Variants in TJP1 observed in about 807,000 individuals in gnomAD.
TJP1 encodes the protein tight junction protein ZO-1.
In TJP1, 43 loss-of-function variants were observed where a neutral mutation model predicts 194.2. That is an observed-to-expected ratio of 0.22 (90% CI 0.17 to 0.29). TJP1 has a LOEUF of 0.29. Among genes scored for constraint, TJP1 ranks in the 10% least tolerant of loss-of-function variants. TJP1 has a pLI of 1.00. For synonymous variants in TJP1, 801 were observed against 779.0 expected (o/e 1.03, Z -0.47); for missense variants, 1,971 against 2,185.7 (o/e 0.90, Z 1.96).
chr15:29,791,413 CTTTTTTTTTTTT>C (rs34201715), intron 2 of TJP1, among the ~76,000 whole-genome samples: 7 of 51,188 alleles, frequency 1.4e-4, no homozygotes, highest in East Asian at 1.2e-3. Flanking sequence ...CCATAATATT[CTTTTTTTTTTTT>C]TTTTTTTTTT....
At chr15:29,838,892 T>C (rs1205678651) in intron 2 of TJP1, among the ~76,000 whole-genome samples, 1 of 152,168 alleles carries the variant, frequency 6.6e-6, no homozygotes, top group Non-Finnish European at 1.5e-5. Context: ...GGAATTATGT[T>C]TGTTCATCAC....
chr15:29,758,040 CTT>C (rs1157573517), intron 8 of TJP1, among the ~76,000 whole-genome samples: 2 of 152,300 alleles, frequency 1.3e-5, no homozygotes, highest in Admixed American at 6.5e-5. Context: ...TGTATTTTCT[CTT>C]ATGATTTTCT....
chr15:29,704,388 T>C, intron 26 of TJP1, 83 bp from the exon 27 acceptor site: 1 of 1,486,082 alleles, frequency 6.7e-7, no homozygotes, highest in Non-Finnish European at 9.1e-7. Flanking sequence ...CTGCTTCTAA[T>C]TATATGCTTG....
intron 2 of TJP1, among the ~76,000 whole-genome samples, chr15:29,853,689 T>C (rs2051733796): frequency 1.3e-5 from 2 of 152,246 alleles, no homozygotes; most frequent in Admixed American, 1.3e-4. Context: ...GTCCTAGGGT[T>C]ACTTATCAAC....
intron 2 of TJP1, among the ~76,000 whole-genome samples, chr15:29,902,553 C>T (rs1265901456): frequency 6.6e-6 from 1 of 152,064 alleles, no homozygotes; most frequent in Non-Finnish European, 1.5e-5. Context: ...ATTGATGTTC[C>T]TTTTTTGTCA....
At chr15:29,936,768 G>C (rs2054895997) in intron 2 of TJP1, among the ~76,000 whole-genome samples, 1 of 152,136 alleles carries the variant, frequency 6.6e-6, no homozygotes, top group Admixed American at 6.5e-5. Flanking sequence ...CTAACTAGTG[G>C]AATGAAGTAC....
intron 2 of TJP1, among the ~76,000 whole-genome samples, chr15:29,936,639 A>G (rs1350778603): frequency 6.6e-6 from 1 of 152,078 alleles, no homozygotes; most frequent in East Asian, 1.9e-4. Flanking sequence ...CACTTACTGC[A>G]CTCATGTCCA....
intron 26 of TJP1, among the ~76,000 whole-genome samples, chr15:29,705,250 C>G (rs549005174): frequency 1.3e-5 from 2 of 152,332 alleles, no homozygotes; most frequent in South Asian, 4.1e-4. Context: ...TTGGTTAGGT[C>G]AGCCTAGGCT....
At chr15:29,839,182 T>C (rs2051140157) in intron 2 of TJP1, among the ~76,000 whole-genome samples, 4 of 151,870 alleles carry the variant, frequency 2.6e-5, no homozygotes, top group Admixed American at 2.6e-4. Context: ...GTATTTTTAC[T>C]AGAGACGAGG....
chr15:29,844,640 T>C (rs2051344489), intron 2 of TJP1, among the ~76,000 whole-genome samples: 2 of 152,098 alleles, frequency 1.3e-5, no homozygotes, highest in Admixed American at 1.3e-4. Flanking sequence ...AGCACAGCCA[T>C]CTAGTAAGAT....
chr15:29,769,030 AAACATTT>A (rs2046491772), intron 4 of TJP1, among the ~76,000 whole-genome samples: 1 of 152,204 alleles, frequency 6.6e-6, no homozygotes, highest in South Asian at 2.1e-4. Flanking sequence ...ATAAAAATGA[AAACATTT>A]CAATGTTGTA....
intron 27 of TJP1, among the ~76,000 whole-genome samples, chr15:29,702,566 T>C (rs1301219499): frequency 2.6e-5 from 4 of 152,138 alleles, no homozygotes; most frequent in Non-Finnish European, 5.9e-5. Flanking sequence ...CACTGGCATC[T>C]AGGGGTAGAG....
At chr15:29,936,993 C>A (rs2054906127) in intron 2 of TJP1, among the ~76,000 whole-genome samples, 1 of 152,164 alleles carries the variant, frequency 6.6e-6, no homozygotes, top group African/African-American at 2.4e-5. Context: ...CATGTTATAA[C>A]AAGCAATTCA....
At chr15:29,886,151 T>G (rs572147459) in intron 2 of TJP1, among the ~76,000 whole-genome samples, 1 of 152,296 alleles carries the variant, frequency 6.6e-6, no homozygotes, top group South Asian at 2.1e-4. Context: ...CTAAATAAAC[T>G]TAAACATCAG....
intron 15 of TJP1, chr15:29,730,906 A>C: frequency 8.1e-7 from 1 of 1,229,090 alleles, no homozygotes; most frequent in Non-Finnish European, 1.2e-6. Flanking sequence ...GCTGGCAAGG[A>C]GGGGAATAAC....
At chr15:29,902,565 G>A (rs925818683) in intron 2 of TJP1, among the ~76,000 whole-genome samples, 1 of 152,070 alleles carries the variant, frequency 6.6e-6, no homozygotes. Flanking sequence ...TTTTTGTCAT[G>A]AACCTGTTCT....
At chr15:29,757,155 A>G (rs2045694253) in intron 8 of TJP1, among the ~76,000 whole-genome samples, 2 of 152,220 alleles carry the variant, frequency 1.3e-5, no homozygotes, top group African/African-American at 4.8e-5. Flanking sequence ...GTCCGGCTCC[A>G]AAGCCCTAAG....
chr15:29,933,915 A>C (rs2152273970), intron 2 of TJP1, among the ~76,000 whole-genome samples: 1 of 152,194 alleles, frequency 6.6e-6, no homozygotes, highest in South Asian at 2.1e-4. Flanking sequence ...GACAGGAGAA[A>C]CCTCTGGCTA....
In TJP1 at chr15:29,742,642, C is replaced by G. The variant is rs986506540; in HGVS notation, c.1150G>C (p.Glu384Gln). The change falls in exon 9 of 28, where the codon GAA (glutamate) becomes CAA (glutamine). Residue 384 changes from glutamate (E) to glutamine (Q), a missense_variant and splice_region_variant. Coordinates refer to ENST00000614355, the MANE Select transcript of TJP1 (RefSeq NM_001330239.4). ...GAACTTAGTGTTTCGTTATGCTTACCTGGAAGAGAAGGTGTTTGTTTCTCA... is the reference window on the plus strand; with the variant it reads ...GAACTTAGTGTTTCGTTATGCTTACGTGGAAGAGAAGGTGTTTGTTTCTCA... ...RNEKQTPSLP[E>Q]PKPVYAQVGQ... is the part of the protein sequence containing the mutation. 1 of 1,574,376 alleles carries G rather than the reference C, an allele frequency of 6.4e-7. No individual in the cohort carries two copies. The highest frequency in any genetic ancestry group is 8.6e-7 in the Non-Finnish European group (1 of 1,164,088).
Sources: gnomAD v4.1 joint callset for allele counts (sites outside exome capture counted in the v4.1 genomes callset) on GRCh38, gnomAD v4.1.1 for gene constraint, MANE v1.5 for transcripts, NCBI Gene and HGNC (gene_info 2026-07-23, HGNC 2026-07-21) for gene names.